Variants in GTF2H1 observed in about 807,000 individuals in gnomAD.
GTF2H1 encodes general transcription factor IIH subunit 1, also known as BTF2 p62.
In GTF2H1, 16 loss-of-function variants were observed where a neutral mutation model predicts 71.2. That is an observed-to-expected ratio of 0.22 (90% CI 0.15 to 0.34). The LOEUF is 0.34. GTF2H1 is among the 10% of genes least tolerant of loss of function. The pLI is 1.00. For missense variants in GTF2H1, 498 were observed against 648.2 expected, an observed-to-expected ratio of 0.77 and a Z score of 2.52; for synonymous variants, 215 against 219.0, an observed-to-expected ratio of 0.98 and a Z score of 0.16.
chr11:18,358,479 A>T, intron 12 of GTF2H1, 46 bp from the exon 13 acceptor site: 1 of 1,089,388 alleles, frequency 9.2e-7, no homozygotes, highest in South Asian at 1.3e-5. Context: ...GAGACTGTAT[A>T]TGTTAAAATA....
chr11:18,352,664 G>A (rs1365398876), intron 11 of GTF2H1, among the ~76,000 whole-genome samples: 2 of 152,198 alleles, frequency 1.3e-5, no homozygotes, highest in African/African-American at 4.8e-5. Flanking sequence ...ATAAGTTGAT[G>A]AATTTTGTGA....
At chr11:18,323,157 G>A (rs1431305486) in intron 1 of GTF2H1, among the ~76,000 whole-genome samples, 1 of 152,002 alleles carries the variant, frequency 6.6e-6, no homozygotes, top group Non-Finnish European at 1.5e-5. Context: ...ACCTTAACAC[G>A]TGCCAGTCCA....
chr11:18,339,572 C>G lies in GTF2H1; in HGVS notation c.522C>G (p.Val174=). 1.2e-6 allele frequency: 2 copies of G among 1,611,922 alleles called. No homozygotes were observed. Among genetic ancestry groups the G allele is most frequent in the South Asian group, 1.1e-5 (1 of 91,012 alleles). The part of the protein sequence containing the change: ...VGISAAFLAD[V]RPQTDGCNGL... ...TATGGGCTTTGTTTTAGGCTGATGT[C>G]CGGCCCCAAACTGATGGCTGTAACG... Residue 174 remains valine (V), a synonymous_variant, in exon 5 of 15, where the codon GTC becomes GTG. Transcript: ENST00000265963.
At chr11:18,344,932 G>A (rs12274017) in intron 7 of GTF2H1, among the ~76,000 whole-genome samples, 21,107 of 152,046 alleles carry the variant, frequency 0.14, 1,669 homozygotes, top group African/African-American at 0.19. Flanking sequence ...CTCGCCAGGT[G>A]GGGTGGCTCA....
chr11:18,333,382 C>G, intron 2 of GTF2H1, 154 bp downstream of exon 2: 1 of 534,688 alleles, frequency 1.9e-6, no homozygotes, highest in Non-Finnish European at 3.2e-6. Flanking sequence ...GTTTTATAAC[C>G]TGACCTTTTC....
At chr11:18,329,004 A>G (rs1030022980) in intron 1 of GTF2H1, among the ~76,000 whole-genome samples, 1 of 152,190 alleles carries the variant, frequency 6.6e-6, no homozygotes, top group Non-Finnish European at 1.5e-5. Flanking sequence ...GTGATCCTTT[A>G]TCATATTTGA....
chr11:18,355,938 A>G (rs1434828403), intron 11 of GTF2H1, among the ~76,000 whole-genome samples: 1 of 152,064 alleles, frequency 6.6e-6, no homozygotes, highest in Non-Finnish European at 1.5e-5. Flanking sequence ...CACTTCACAC[A>G]GGCTCTCCTG....
intron 1 of GTF2H1, among the ~76,000 whole-genome samples, chr11:18,323,525 C>A (rs1254388856): frequency 6.6e-6 from 1 of 151,932 alleles, no homozygotes; most frequent in Non-Finnish European, 1.5e-5. Flanking sequence ...GAAAAATACA[C>A]CCTTTGTCCA....
intron 7 of GTF2H1, 125 bp downstream of exon 7, chr11:18,341,732 G>T: frequency 3.4e-6 from 2 of 590,210 alleles, no homozygotes; most frequent in East Asian, 2.9e-5. Context: ...GTTACTTGAA[G>T]TGATTTATCG....
chr11:18,345,893 C>G (rs1428864882), intron 7 of GTF2H1, among the ~76,000 whole-genome samples: 1 of 150,810 alleles, frequency 6.6e-6, no homozygotes, highest in Non-Finnish European at 1.5e-5. Flanking sequence ...GGGGTTCATG[C>G]CATTCTCCTG....
chr11:18,329,565 C>T (rs1864846634), intron 1 of GTF2H1, among the ~76,000 whole-genome samples: 1 of 152,230 alleles, frequency 6.6e-6, no homozygotes, highest in Non-Finnish European at 1.5e-5. Flanking sequence ...ATTCAAAAGT[C>T]TTCAGAAGTT....
Position 18,338,419 on chromosome 11 carries a change from A to G in GTF2H1, c.513+145A>G, listed in dbSNP as rs201022371. 55 of 603,286 alleles carry G rather than the reference A, an allele frequency of 9.1e-5. No homozygotes were observed. The East Asian group carries it at 1.5e-3, about 16-fold the overall frequency. 37.4% of individuals were successfully genotyped at this position (603,286 alleles called of 1,614,324 possible). On this transcript the variant is annotated intron_variant, in intron 4 of 14. Transcript: ENST00000265963. ...AGTATCCATGGTATTCTTCACTATT[A>G]TTGAACTATTATTATTATGTTTGTT...
chr11:18,328,740 C>T (rs1451135428), intron 1 of GTF2H1, among the ~76,000 whole-genome samples: 4 of 149,592 alleles, frequency 2.7e-5, no homozygotes, highest in East Asian at 4.0e-4. Flanking sequence ...GCAGGAGAAT[C>T]GCTTGAACCC....
intron 9 of GTF2H1, among the ~76,000 whole-genome samples, chr11:18,349,637 C>T (rs551518498): frequency 1.3e-5 from 2 of 152,216 alleles, no homozygotes; most frequent in Admixed American, 6.5e-5. Context: ...GAGCTGGGAT[C>T]GCGTCGCTGC....
At chr11:18,324,065 T>G (rs1000346016) in intron 1 of GTF2H1, among the ~76,000 whole-genome samples, 13 of 152,112 alleles carry the variant, frequency 8.5e-5, no homozygotes, top group Admixed American at 3.9e-4. Context: ...TTTTTTTTTT[T>G]TTGAGACGGA....
intron 5 of GTF2H1, 25 bp from the exon 6 acceptor site, chr11:18,341,233 TATA>T: frequency 1.9e-6 from 3 of 1,583,250 alleles, no homozygotes; most frequent in African/African-American, 1.4e-5. Context: ...AAATTCAGTA[TATA>T]ATATTTGTGG....
rs1051887539 is a variant in GTF2H1, at chr11:18,352,022, T to C, written c.1142+53T>C. ...AGCTATGTAACAATTCAGTCCAAAA[T>C]ATATCCTACAAGTATAGCACTCATG... On this transcript the variant is annotated intron_variant, in intron 10 of 14. Transcript: ENST00000265963. 9.1e-6 allele frequency: 8 copies of C among 881,322 alleles called. No individual in the cohort carries two copies. The African/African-American group carries it at 1.3e-4, about 15-fold the overall frequency. 54.6% of individuals were successfully genotyped at this position (881,322 alleles called of 1,614,324 possible).
chr11:18,359,064 G>A (rs1865636558), intron 13 of GTF2H1, among the ~76,000 whole-genome samples: 1 of 152,184 alleles, frequency 6.6e-6, no homozygotes, highest in East Asian at 1.9e-4. Context: ...AATGAAAAAT[G>A]TAACATTAAT....
chr11:18,332,378 G>A (rs1222957998), intron 1 of GTF2H1, among the ~76,000 whole-genome samples: 4 of 152,222 alleles, frequency 2.6e-5, no homozygotes, highest in Non-Finnish European at 1.5e-5. Flanking sequence ...AAGCCTGGAG[G>A]ATTTGGGTTG....
Sources: allele counts gnomAD v4.1 joint callset (sites outside exome capture counted in the v4.1 genomes callset), GRCh38; gene constraint gnomAD v4.1.1; transcripts MANE v1.5; gene names NCBI Gene and HGNC (gene_info 2026-07-23, HGNC 2026-07-21).